The following RELCH variants were observed in gnomAD, a reference collection of about 807,000 sequenced individuals.
RELCH encodes the protein RAB11-binding protein RELCH.
In RELCH, 41 loss-of-function variants were observed where a neutral mutation model predicts 150.3. The ratio of observed to expected loss-of-function variants is 0.27; its 90% CI spans 0.21 to 0.35. The LOEUF (loss-of-function observed/expected upper bound fraction) is 0.35, where lower values mean the gene tolerates loss of function less well. Ranked by LOEUF, RELCH falls within the 10% of genes least tolerant of loss-of-function variation. RELCH has a pLI of 1.00. For missense variants in RELCH, 1,092 were observed against 1,467.8 expected, an observed-to-expected ratio of 0.74 and a Z score of 4.18; for synonymous variants, 478 against 531.8, an observed-to-expected ratio of 0.90 and a Z score of 1.39.
At chr18:62,214,645 A>G (rs528801037) in intron 2 of RELCH, among the ~76,000 whole-genome samples, 20 of 152,264 alleles carry the variant, frequency 1.3e-4, no homozygotes, top group Admixed American at 1.3e-3. Flanking sequence ...ATCTAGGTGC[A>G]GGCTGCCATG....
At position 62,298,907 on chromosome 18, in the gene RELCH, T is replaced by G. The variant is rs558435136; in HGVS notation, c.3530+47T>G. 54 of 1,068,350 alleles carry G rather than the reference T, an allele frequency of 5.1e-5. 1 individual carries two copies. The highest frequency in any genetic ancestry group is 6.2e-5 in the Non-Finnish European group (44 of 708,628). The allele number at this position is 1,068,350 out of a possible 1,614,324, so 66.2% of individuals were successfully genotyped here. A position where few individuals can be genotyped will look rare whatever the true frequency, so the allele number is the denominator to read the frequency against. ...TAAGGCTACATGTTAACTTTAATTT[T>G]TCTATCTAAATTTGCTGTCAATCAG... On this transcript the variant is annotated intron_variant, in intron 28 of 28. Coordinates refer to ENST00000644646, the MANE Select transcript of RELCH (RefSeq NM_001346231.2).
At chr18:62,266,607 A>G in intron 18 of RELCH, 94 bp from the exon 19 acceptor site, 1 of 696,138 alleles carries the variant, frequency 1.4e-6, no homozygotes, top group Non-Finnish European at 2.5e-6. Context: ...TAAATAAATA[A>G]ATGAATAGTA....
chr18:62,208,958 A>G (rs981995716), intron 1 of RELCH, among the ~76,000 whole-genome samples: 2 of 152,180 alleles, frequency 1.3e-5, no homozygotes, highest in African/African-American at 4.8e-5. Context: ...TCCAGGTCCT[A>G]GAGGATGCCG....
intron 1 of RELCH, among the ~76,000 whole-genome samples, chr18:62,194,569 C>T (rs145064531): frequency 1.1e-4 from 17 of 152,256 alleles, no homozygotes; most frequent in East Asian, 5.8e-4. Context: ...AAACTGTGCT[C>T]AGTACTGTAT....
intron 5 of RELCH, among the ~76,000 whole-genome samples, chr18:62,222,900 A>G (rs1195060644): frequency 6.8e-6 from 1 of 147,390 alleles, no homozygotes; most frequent in Non-Finnish European, 1.5e-5. Context: ...GAGTTAAAAA[A>G]GAAAAGGGAA....
At chr18:62,205,871 A>T (rs571536857) in intron 1 of RELCH, among the ~76,000 whole-genome samples, 27 of 149,156 alleles carry the variant, frequency 1.8e-4, no homozygotes, top group African/African-American at 4.4e-4. Flanking sequence ...TAATTTTTTT[A>T]AAAAAATTAG....
chr18:62,238,037 T>C (rs914835324), intron 10 of RELCH, among the ~76,000 whole-genome samples: 14 of 151,904 alleles, frequency 9.2e-5, no homozygotes, highest in Non-Finnish European at 2.1e-4. Flanking sequence ...GTAACAGTTA[T>C]GTTTCTTTAA....
chr18:62,263,171 C>A (rs1452195849), intron 16 of RELCH, among the ~76,000 whole-genome samples: 1 of 152,008 alleles, frequency 6.6e-6, no homozygotes, highest in African/African-American at 2.4e-5. Flanking sequence ...TTCTGAGATA[C>A]TATAGGTTAG....
Position 62,258,626 on chromosome 18 carries a change from C to T in RELCH, c.2152C>T (p.Gln718Ter), listed in dbSNP as rs1439201697. The stretch of plus-strand genomic sequence containing the variant: ...GTGGACTACAGAACTTGGAAATTTA[C>T]AGTCTCATCTTATACTTACACTACT... ...AAWTTELGNL[Q>*]SHLILTLLNK... Residue 718 changes from glutamine to a stop codon, truncating the protein, a stop_gained, in exon 15 of 29, where the codon CAG becomes TAG. Transcript: ENST00000644646. LOFTEE classifies it high-confidence loss of function. 1 of 1,598,472 alleles carries T rather than the reference C, an allele frequency of 6.3e-7. No homozygotes were observed. Among genetic ancestry groups the T allele is most frequent in the Non-Finnish European group, 8.5e-7 (1 of 1,175,280 alleles).
At chr18:62,230,231 G>A (rs1599938842) in intron 8 of RELCH, among the ~76,000 whole-genome samples, 1 of 152,170 alleles carries the variant, frequency 6.6e-6, no homozygotes, top group East Asian at 1.9e-4. Context: ...AGGAGGCTGA[G>A]ATGGAAGGAT....
intron 22 of RELCH, among the ~76,000 whole-genome samples, chr18:62,276,181 A>G (rs1438210124): frequency 2.0e-5 from 3 of 152,102 alleles, no homozygotes; most frequent in Admixed American, 6.6e-5. Flanking sequence ...ACTGTTTCTT[A>G]TTGATTTCCA....
rs2045840632 is a variant in RELCH at position 62,305,296 on chromosome 18, T to A, written c.3531-118T>A. On this transcript the variant is annotated intron_variant, in intron 28 of 28. Transcript: ENST00000644646. This position sits in a 1 kb window ranked among gnomAD's most constrained non-coding sequence, Gnocchi z 4.0. ...ATATACAAACTACCCTCCATAAATA[T>A]TAGTTTCCCTTTTGTGACGCCAATT... 1.3e-6 allele frequency: 1 copy of A among 783,920 alleles called. No homozygotes were observed. Among genetic ancestry groups the A allele is most frequent in the African/African-American group, 1.8e-5 (1 of 56,348 alleles). The allele number at this position is 783,920 out of a possible 1,614,324, so 48.6% of individuals were successfully genotyped here. A position where few individuals can be genotyped will look rare whatever the true frequency, so the allele number is the denominator to read the frequency against.
intron 1 of RELCH, among the ~76,000 whole-genome samples, chr18:62,191,909 C>G (rs1166033493): frequency 6.6e-6 from 1 of 152,074 alleles, no homozygotes; most frequent in Non-Finnish European, 1.5e-5. Flanking sequence ...GGGCATATAC[C>G]CAGTAATGGG....
chr18:62,305,642 T>A lies in RELCH; in HGVS notation c.*108T>A. On this transcript the variant is annotated 3_prime_UTR_variant, in exon 29 of 29. Transcript: ENST00000644646. This position sits in a 1 kb window ranked among gnomAD's most constrained non-coding sequence, Gnocchi z 4.0. ...GTTTCCTCAGTTTTATGTTCTTGCA[T>A]TATAATTTTATCCTAACCTCCAAAG... 1 of 1,157,592 alleles carries A rather than the reference T, an allele frequency of 8.6e-7. No individual in the cohort carries two copies. Among genetic ancestry groups the A allele is most frequent in the Non-Finnish European group, 1.2e-6 (1 of 832,552 alleles). The allele number at this position is 1,157,592 out of a possible 1,614,324, so 71.7% of individuals were successfully genotyped here.
chr18:62,210,033 C>T (rs965400660), intron 1 of RELCH, among the ~76,000 whole-genome samples: 1 of 152,136 alleles, frequency 6.6e-6, no homozygotes, highest in African/African-American at 2.4e-5. Context: ...TTATATATAA[C>T]ATCATGTCAT....
chr18:62,234,225 A>AATT (rs960611455), intron 10 of RELCH, among the ~76,000 whole-genome samples: 5 of 151,650 alleles, frequency 3.3e-5, no homozygotes, highest in African/African-American at 1.2e-4. Context: ...ACTTTTTAAT[A>AATT]TTTCACCCGT....
At position 62,296,011 on chromosome 18, in the gene RELCH, G is replaced by T. The variant is rs112104063; in HGVS notation, c.3460-2779G>T. ...CCCATGGGGTTTGTTTAATTGGGGGGCAGGGGGAATTATCTTGTGATATTT... is the reference window on the plus strand; with the variant it reads ...CCCATGGGGTTTGTTTAATTGGGGGTCAGGGGGAATTATCTTGTGATATTT... On this transcript the variant is annotated intron_variant, in intron 27 of 28. Transcript: ENST00000644646. Among the ~76,000 whole-genome samples, 7 of 152,194 alleles carry T rather than the reference G, an allele frequency of 4.6e-5. 1 individual carries two copies. The highest frequency in any genetic ancestry group is 1.7e-4 in the African/African-American group (7 of 41,536).
intron 2 of RELCH, among the ~76,000 whole-genome samples, chr18:62,213,527 C>T (rs753289802): frequency 1.3e-5 from 2 of 151,780 alleles, no homozygotes; most frequent in African/African-American, 2.4e-5. Flanking sequence ...GTCAGGAGTT[C>T]GAGACCAGCC....
At chr18:62,257,329 A>G (rs1401869508) in intron 13 of RELCH, among the ~76,000 whole-genome samples, 2 of 152,104 alleles carry the variant, frequency 1.3e-5, no homozygotes, top group African/African-American at 4.8e-5. Context: ...TAGCATAAAA[A>G]AGAGCAATGC....
Sources: gnomAD v4.1 joint callset for allele counts (sites outside exome capture counted in the v4.1 genomes callset) on GRCh38, gnomAD v4.1.1 for gene constraint, Gnocchi (gnomAD v3.1) non-coding constraint, MANE v1.5 for transcripts, NCBI Gene and HGNC (gene_info 2026-07-23, HGNC 2026-07-21) for gene names.